Variants in MYCBP2 observed in about 807,000 individuals in gnomAD.
The protein encoded by MYCBP2 is MYC binding protein 2.
In MYCBP2, 120 loss-of-function variants were observed where a neutral mutation model predicts 525.3. The ratio of observed to expected loss-of-function variants is 0.23; its 90% CI spans 0.20 to 0.27. The LOEUF (loss-of-function observed/expected upper bound fraction) is 0.27, where lower values mean the gene tolerates loss of function less well. Among genes scored for constraint, MYCBP2 ranks in the 10% least tolerant of loss-of-function variants. The probability of loss-of-function intolerance (pLI) is 1.00; values close to 1 mark genes in which losing one functional copy is unlikely to be tolerated. For synonymous variants in MYCBP2, 1,894 were observed against 1,955.8 expected (o/e 0.97, Z 0.83); for missense variants, 4,149 against 5,657.1 (o/e 0.73, Z 8.55).
Position 77,090,145 on chromosome 13 carries a change from T to C in MYCBP2, c.10486A>G (p.Lys3496Glu). The C allele has an allele frequency of 6.2e-7, 1 of 1,612,594 alleles. No homozygotes were observed. The highest frequency in any genetic ancestry group is 8.5e-7 in the Non-Finnish European group (1 of 1,179,168). Residue 3496 changes from lysine (K) to glutamate (E), a missense_variant, in exon 60 of 83, where the codon AAA becomes GAA. Lys to Glu is a moderately conservative substitution (Grantham distance 56). Transcript: ENST00000544440. ...KQHSILPARV[K>E]AIPRRRVNSG... ...TTAACTCTTCTTCTAGGAATAGCTT[T>C]AACTCGTGCAGGTAAAATGGAGTGT...
chr13:77,090,586 A>G (rs2045234905), intron 59 of MYCBP2: 1 of 175,328 alleles, frequency 5.7e-6, no homozygotes, highest in South Asian at 1.7e-4. Context: ...CAGGAAAAAC[A>G]GTCAGATATA....
At chr13:77,300,764 T>C (rs987411921) in intron 1 of MYCBP2, among the ~76,000 whole-genome samples, 2 of 152,198 alleles carry the variant, frequency 1.3e-5, no homozygotes, top group African/African-American at 4.8e-5. Context: ...AGTGATTAGA[T>C]AGGAGGCAGG....
At chr13:77,120,991 T>C (rs531357415) in intron 55 of MYCBP2, among the ~76,000 whole-genome samples, 13 of 152,146 alleles carry the variant, frequency 8.5e-5, no homozygotes, top group Non-Finnish European at 1.9e-4. Context: ...AATAGTTTGA[T>C]TTTAAATGGA....
At chr13:77,322,269 TG>T (rs1308688593) in intron 1 of MYCBP2, among the ~76,000 whole-genome samples, 1 of 152,184 alleles carries the variant, frequency 6.6e-6, no homozygotes, top group African/African-American at 2.4e-5. Flanking sequence ...ATAAAGCAGC[TG>T]AAAAAACTAA....
chr13:77,098,632 C>G lies in MYCBP2; in HGVS notation c.8522G>C (p.Arg2841Pro), dbSNP rs142807127. 2.5e-6 allele frequency: 4 copies of G among 1,613,496 alleles called. No individual in the cohort carries two copies. Among genetic ancestry groups the G allele is most frequent in the East Asian group, 4.5e-5 (2 of 44,850 alleles). ...RSSPSGASSP[R>P]SSSPHDKNLP... ...ATTTTTATCATGTGGTGAGGAGGAG[C>G]GTGGAGAACTAGCACCCGATGGGCT... The change falls in exon 56 of 83, where the codon CGC becomes CCC. Residue 2841 changes from arginine (R) to proline (P), a missense_variant. Arg to Pro is a moderately radical substitution (Grantham distance 103). Transcript: ENST00000544440.
chr13:77,098,859 A>T lies in MYCBP2; in HGVS notation c.8295T>A (p.Ser2765=). 1 of 1,613,688 alleles carries T rather than the reference A, an allele frequency of 6.2e-7. No individual in the cohort carries two copies. Among genetic ancestry groups the T allele is most frequent in the Non-Finnish European group, 8.5e-7 (1 of 1,179,752 alleles). The change falls in exon 56 of 83, where the codon TCT becomes TCA. Residue 2765 remains serine, a synonymous_variant. Coordinates refer to ENST00000544440, the MANE Select transcript of MYCBP2 (RefSeq NM_015057.5). ...QKKPRGTESL[S]ASESLILKSD... Reference sequence around the variant, plus strand: ...ATTTTAAGATGAGGGATTCACTAGCAGATAAACTTTCTGTGCCCCTTGGCT... The same window carrying T: ...ATTTTAAGATGAGGGATTCACTAGCTGATAAACTTTCTGTGCCCCTTGGCT...
Position 77,211,277 on chromosome 13 carries a change from G to T in MYCBP2, c.3306C>A (p.Cys1102Ter). Residue 1102 changes from cysteine (C) to a stop codon, truncating the protein, a stop_gained, in exon 23 of 83, where the codon TGC becomes TGA. Coordinates refer to ENST00000544440, the MANE Select transcript of MYCBP2 (RefSeq NM_015057.5). LOFTEE classifies it high-confidence loss of function. ...TCCCATCCACTTTATTTATCAGAAG[G>T]CATTTAAATGGAGGAGGTTCTGATA... The part of the protein sequence containing the change: ...ASISEPPPFK[C>*]LLINKVDGSC... 6.6e-7 allele frequency: 1 copy of T among 1,517,356 alleles called. No homozygotes were observed. The highest frequency in any genetic ancestry group is 8.9e-7 in the Non-Finnish European group (1 of 1,127,350). 94.0% of individuals were successfully genotyped at this position (1,517,356 alleles called of 1,614,324 possible).
intron 45 of MYCBP2, 45 bp from the exon 46 acceptor site, chr13:77,156,247 C>A: frequency 1.3e-6 from 2 of 1,538,156 alleles, no homozygotes; most frequent in South Asian, 2.4e-5. Context: ...AAACACTGAT[C>A]AGCATCTTCA....
chr13:77,228,690 GTT>G (rs1491094232), intron 18 of MYCBP2, among the ~76,000 whole-genome samples: 1 of 85,176 alleles, frequency 1.2e-5, no homozygotes, highest in African/African-American at 4.3e-5. Context: ...AGATGAATAT[GTT>G]GTGTGTGTGT....
intron 72 of MYCBP2, among the ~76,000 whole-genome samples, chr13:77,065,196 A>G (rs1428185817): frequency 6.6e-6 from 1 of 152,198 alleles, no homozygotes; most frequent in Admixed American, 6.5e-5. Flanking sequence ...ACATTTAACT[A>G]TCATATAATT....
chr13:77,168,381 C>G (rs1294980395), intron 40 of MYCBP2, 47 bp downstream of exon 40: 1 of 1,528,186 alleles, frequency 6.5e-7, no homozygotes, highest in East Asian at 2.3e-5. Context: ...ATCAGAGAAC[C>G]TCATGCCAAG....
At chr13:77,273,768 A>C in intron 4 of MYCBP2, 100 bp from the exon 5 acceptor site, 1 of 921,502 alleles carries the variant, frequency 1.1e-6, no homozygotes, top group Non-Finnish European at 1.5e-6. Flanking sequence ...AACGAAATTT[A>C]AGGAATCTAG....
chr13:77,085,512 T>G (rs768941550), intron 62 of MYCBP2, among the ~76,000 whole-genome samples: 1 of 152,132 alleles, frequency 6.6e-6, no homozygotes, highest in African/African-American at 2.4e-5. Flanking sequence ...CTAAAAAGAG[T>G]GTTATGGTAC....
At chr13:77,237,763 A>T (rs1376308320) in intron 17 of MYCBP2, among the ~76,000 whole-genome samples, 2 of 152,144 alleles carry the variant, frequency 1.3e-5, no homozygotes, top group African/African-American at 4.8e-5. Flanking sequence ...GTTACACCAA[A>T]ATTCTACTAA....
At chr13:77,140,212 G>T in intron 50 of MYCBP2, 49 bp from the exon 51 acceptor site, 1 of 1,161,248 alleles carries the variant, frequency 8.6e-7, no homozygotes, top group Non-Finnish European at 1.2e-6. Context: ...ATAGAATAGA[G>T]ATCTTACAAG....
At position 77,044,922 on chromosome 13, in the gene MYCBP2, C is replaced by G; in HGVS notation, c.*456G>C. 2.5e-6 allele frequency: 1 copy of G among 396,650 alleles called. No individual in the cohort carries two copies. The highest frequency in any genetic ancestry group is 4.4e-6 in the Non-Finnish European group (1 of 226,038). The allele number at this position is 396,650 out of a possible 1,614,324, so 24.6% of individuals were successfully genotyped here. The stretch of plus-strand genomic sequence containing the variant: ...CAATGTTTTTTTTTTTTTTAAATAA[C>G]AGTCTAGGAAATAAACCAGAATATT... On this transcript the variant is annotated 3_prime_UTR_variant, in exon 83 of 83. Coordinates refer to ENST00000544440, the MANE Select transcript of MYCBP2 (RefSeq NM_015057.5).
At chr13:77,092,782 G>A (rs1221109296) in intron 59 of MYCBP2, among the ~76,000 whole-genome samples, 1 of 152,072 alleles carries the variant, frequency 6.6e-6, no homozygotes, top group Non-Finnish European at 1.5e-5. Flanking sequence ...TTTCCGAGAA[G>A]CTCTTTACTC....
At chr13:77,179,755 C>A (rs866832736) in intron 34 of MYCBP2, among the ~76,000 whole-genome samples, 2 of 152,144 alleles carry the variant, frequency 1.3e-5, no homozygotes, top group Non-Finnish European at 2.9e-5. Context: ...ACCTCATTAC[C>A]TTTCCCACAC....
chr13:77,109,898 A>C (rs1450553974), intron 55 of MYCBP2: 1 of 152,222 alleles, frequency 6.6e-6, no homozygotes, highest in East Asian at 1.9e-4. Flanking sequence ...GTTCCCAAAT[A>C]ATACTCTTAC....
Sources: allele counts gnomAD v4.1 joint callset (sites outside exome capture counted in the v4.1 genomes callset), GRCh38; gene constraint gnomAD v4.1.1; transcripts MANE v1.5; gene names NCBI Gene and HGNC (gene_info 2026-07-23, HGNC 2026-07-21).